Variants in GSG1L observed in about 807,000 individuals in gnomAD.
GSG1L encodes the protein GSG1 like.
A neutral mutation model predicts 42.1 loss-of-function variants in GSG1L; 24 were observed. The ratio of observed to expected loss-of-function variants is 0.57; its 90% CI spans 0.41 to 0.80. GSG1L has a LOEUF of 0.80. GSG1L is among the 30% of genes least tolerant of loss of function. The pLI, the probability that GSG1L is intolerant of heterozygous loss-of-function variation, is 0.00. For synonymous variants in GSG1L, 215 were observed against 203.5 expected (o/e 1.06, Z -0.48); for missense variants, 445 against 472.2 (o/e 0.94, Z 0.53).
At chr16:28,009,703 C>T (rs1009859291) in intron 1 of GSG1L, among the ~76,000 whole-genome samples, 3 of 152,236 alleles carry the variant, frequency 2.0e-5, no homozygotes, top group Admixed American at 6.5e-5. Flanking sequence ...GCAGTGGAAA[C>T]GGCACTGGCC....
At position 27,987,969 on chromosome 16, in the gene GSG1L, C is replaced by T. The variant is rs868001958; in HGVS notation, c.350-24766G>A. On this transcript the variant is annotated intron_variant, in intron 1 of 6. Transcript: ENST00000447459. Reference sequence around the variant, plus strand: ...TCAAAAAAAAAAAAAAAAAAAAAACCGGAAAAGATAATCGTGTCATAGTTT... The same window carrying T: ...TCAAAAAAAAAAAAAAAAAAAAAACTGGAAAAGATAATCGTGTCATAGTTT... 7.7e-3 allele frequency among the ~76,000 whole-genome samples: 962 copies of T among 124,678 alleles called. 12 individuals are homozygous for T. Among genetic ancestry groups the T allele is most frequent in the African/African-American group, 0.026 (916 of 34,944 alleles). 81.8% of individuals were successfully genotyped at this position (124,678 alleles called of 152,430 possible). A position where few individuals can be genotyped will look rare whatever the true frequency, so the allele number is the denominator to read the frequency against.
chr16:27,825,302 A>G (rs1043839583), intron 5 of GSG1L, among the ~76,000 whole-genome samples: 2 of 152,218 alleles, frequency 1.3e-5, no homozygotes, highest in Non-Finnish European at 2.9e-5. Flanking sequence ...TAGGTCTTCT[A>G]TCCCAGAGCT....
intron 4 of GSG1L, among the ~76,000 whole-genome samples, chr16:27,832,488 G>A (rs2140970003): frequency 6.6e-6 from 1 of 152,250 alleles, no homozygotes; most frequent in Non-Finnish European, 1.5e-5. Flanking sequence ...TATGGGATTG[G>A]CTTTTTTTCA....
Position 27,808,013 on chromosome 16 carries a change from G to A in GSG1L, c.831-459C>T, listed in dbSNP as rs185933022. Among the ~76,000 whole-genome samples, 8 of 152,250 alleles carry A rather than the reference G, an allele frequency of 5.3e-5. 1 individual carries two copies. The highest frequency in any genetic ancestry group is 2.1e-4 in the South Asian group (1 of 4,824). ...ATAATGAATATAGGGAATTAACTCC[G>A]GAGGCTTCTTTTTGCTAACTTTATT... On this transcript the variant is annotated intron_variant, in intron 5 of 6. Coordinates refer to ENST00000447459, the MANE Select transcript of GSG1L (RefSeq NM_001109763.2).
intron 4 of GSG1L, among the ~76,000 whole-genome samples, chr16:27,843,935 G>A (rs988232172): frequency 2.0e-5 from 3 of 152,214 alleles, no homozygotes; most frequent in African/African-American, 7.2e-5. Flanking sequence ...TACAAGGGAA[G>A]GAGAATGCAC....
rs1172466475 is a variant in GSG1L, at chr16:28,040,667, C to A, written c.349+22409G>T. Among the ~76,000 whole-genome samples, 1 of 152,222 alleles carries A rather than the reference C, an allele frequency of 6.6e-6. No homozygotes were observed. The highest frequency in any genetic ancestry group is 1.5e-5 in the Non-Finnish European group (1 of 68,032). On this transcript the variant is annotated intron_variant, in intron 1 of 6. Coordinates refer to ENST00000447459, the MANE Select transcript of GSG1L (RefSeq NM_001109763.2). This position sits in a 1 kb window ranked among gnomAD's most constrained non-coding sequence, Gnocchi z 4.1. ...GCAGGACATGAAGATGCTCTCAGAG[C>A]CCCCAGGCCTGAGAGCCTTCCCTCC...
chr16:28,006,465 T>C (rs1470182834), intron 1 of GSG1L, among the ~76,000 whole-genome samples: 1 of 151,934 alleles, frequency 6.6e-6, no homozygotes, highest in Non-Finnish European at 1.5e-5. Context: ...CACACCACCA[T>C]GCCTGGCTAA....
intron 1 of GSG1L, among the ~76,000 whole-genome samples, chr16:28,038,133 T>C (rs2086061075): frequency 1.3e-5 from 2 of 152,094 alleles, no homozygotes; most frequent in South Asian, 4.1e-4. Context: ...GCTGATAAAT[T>C]TTGTTTTGTT....
chr16:27,870,564 C>T (rs571781156), intron 3 of GSG1L, among the ~76,000 whole-genome samples: 2 of 151,530 alleles, frequency 1.3e-5, no homozygotes, highest in South Asian at 2.1e-4. Flanking sequence ...ATCAGGGGCC[C>T]TCCACTCTCC....
At position 27,936,850 on chromosome 16, in the gene GSG1L, G is replaced by A. The variant is rs140116150; in HGVS notation, c.397+26306C>T. On this transcript the variant is annotated intron_variant, in intron 2 of 6. Transcript: ENST00000447459. Reference sequence around the variant, plus strand: ...GTTCCATTTGCAAGGGCCACTCCCCGCCAACACTACCCTCCAGCTCATTTA... The same window carrying A: ...GTTCCATTTGCAAGGGCCACTCCCCACCAACACTACCCTCCAGCTCATTTA... Among the ~76,000 whole-genome samples, 732 of 152,238 alleles carry A rather than the reference G, an allele frequency of 4.8e-3. 8 individuals carry two copies. Among genetic ancestry groups the A allele is most frequent in the African/African-American group, 0.016 (671 of 41,540 alleles).
intron 1 of GSG1L, among the ~76,000 whole-genome samples, chr16:27,972,454 G>A (rs1341795027): frequency 6.6e-6 from 1 of 152,208 alleles, no homozygotes; most frequent in African/African-American, 2.4e-5. Context: ...CACCATATTG[G>A]CTTGCCGCTT....
chr16:27,833,250 C>T (rs76114244), intron 4 of GSG1L, among the ~76,000 whole-genome samples: 11,995 of 152,192 alleles, frequency 0.079, 521 homozygotes, highest in African/African-American at 0.09. Flanking sequence ...CACTACCACA[C>T]ACCCACACAC....
chr16:27,859,823 G>A (rs1190594805), intron 3 of GSG1L, among the ~76,000 whole-genome samples: 1 of 151,756 alleles, frequency 6.6e-6, no homozygotes, highest in African/African-American at 2.4e-5. Context: ...CCACAGGTGT[G>A]CACCACCATG....
intron 1 of GSG1L, among the ~76,000 whole-genome samples, chr16:28,019,284 G>A (rs1013022617): frequency 1.3e-5 from 2 of 152,156 alleles, no homozygotes; most frequent in African/African-American, 4.8e-5. Flanking sequence ...AGATGGCCAC[G>A]AAAGTGACCT....
At chr16:27,832,590 A>G (rs983721715) in intron 4 of GSG1L, among the ~76,000 whole-genome samples, 1 of 152,216 alleles carries the variant, frequency 6.6e-6, no homozygotes, top group Non-Finnish European at 1.5e-5. Context: ...CCTGCCAGCA[A>G]TGTATGAGTT....
intron 6 of GSG1L, among the ~76,000 whole-genome samples, chr16:27,801,780 C>T (rs887518356): frequency 2.6e-5 from 4 of 152,138 alleles, no homozygotes; most frequent in Non-Finnish European, 5.9e-5. Flanking sequence ...GGGTTCAAAT[C>T]CCAGCTTTGC....
At chr16:28,012,102 C>T (rs1202522748) in intron 1 of GSG1L, among the ~76,000 whole-genome samples, 1 of 152,128 alleles carries the variant, frequency 6.6e-6, no homozygotes, top group Non-Finnish European at 1.5e-5. Flanking sequence ...CAGCTCTGCT[C>T]TGGTCTCAGA....
chr16:28,030,543 A>G (rs1343779645), intron 1 of GSG1L, among the ~76,000 whole-genome samples: 1 of 152,230 alleles, frequency 6.6e-6, no homozygotes, highest in Non-Finnish European at 1.5e-5. Context: ...TTGATGTTAT[A>G]TGAGCACCTG....
At chr16:28,048,773 AT>A (rs2086191920) in intron 1 of GSG1L, among the ~76,000 whole-genome samples, 1 of 152,242 alleles carries the variant, frequency 6.6e-6, no homozygotes, top group Non-Finnish European at 1.5e-5. Context: ...TGCATTCATA[AT>A]TTTTTAACTA....
Sources: allele counts gnomAD v4.1 joint callset (sites outside exome capture counted in the v4.1 genomes callset), GRCh38; gene constraint gnomAD v4.1.1; non-coding constraint Gnocchi (gnomAD v3.1); transcripts MANE v1.5; gene names NCBI Gene and HGNC (gene_info 2026-07-23, HGNC 2026-07-21).